SLC38A6: variants seen among roughly 807,000 people sequenced by gnomAD.
SLC38A6 encodes N system amino acid transporter NAT-1.
In SLC38A6, 73 loss-of-function variants were observed where a neutral mutation model predicts 65.0. That is an observed-to-expected ratio of 1.12 (90% CI 0.93 to 1.37). The LOEUF is 1.37. Ranked by LOEUF, SLC38A6 falls within the 40% of genes most tolerant of loss-of-function variation. The pLI, the probability that SLC38A6 is intolerant of heterozygous loss-of-function variation, is 0.00. For synonymous variants in SLC38A6, 183 were observed against 178.8 expected, an observed-to-expected ratio of 1.02 and a Z score of -0.19; for missense variants, 561 against 531.1, an observed-to-expected ratio of 1.06 and a Z score of -0.55.
chr14:61,065,176 G>T (rs533082019), intron 15 of SLC38A6, among the ~76,000 whole-genome samples: 7 of 152,040 alleles, frequency 4.6e-5, no homozygotes, highest in Non-Finnish European at 8.8e-5. Flanking sequence ...TACAATCTAG[G>T]TATAGAATCG....
chr14:61,051,531 T>C (rs2139865605), intron 13 of SLC38A6, among the ~76,000 whole-genome samples: 1 of 152,302 alleles, frequency 6.6e-6, no homozygotes, highest in South Asian at 2.1e-4. Context: ...TTAAAAATTA[T>C]GCAACCTAAA....
intron 15 of SLC38A6, among the ~76,000 whole-genome samples, chr14:61,066,976 A>C (rs112003440): frequency 2.6e-5 from 4 of 152,178 alleles, no homozygotes; most frequent in Non-Finnish European, 4.4e-5. Context: ...GAAACTATGT[A>C]AGACATACAT....
At chr14:61,016,670 A>T (rs2040033311) in intron 4 of SLC38A6, among the ~76,000 whole-genome samples, 1 of 152,180 alleles carries the variant, frequency 6.6e-6, no homozygotes, top group African/African-American at 2.4e-5. Context: ...TAGTATATAT[A>T]TTTTTTAATT....
At position 61,052,496 on chromosome 14, in the gene SLC38A6, A is replaced by G; in HGVS notation, c.*67A>G. The G allele has an allele frequency of 6.7e-7, 1 of 1,500,152 alleles. No homozygotes were observed. Among genetic ancestry groups the G allele is most frequent in the South Asian group, 1.4e-5 (1 of 71,830 alleles). The allele number at this position is 1,500,152 out of a possible 1,614,324, so 92.9% of individuals were successfully genotyped here. A position where few individuals can be genotyped will look rare whatever the true frequency, so the allele number is the denominator to read the frequency against. ...AGTTGCAAGAATGAATTATTCCGGA[A>G]GACACCCTGGATGAAAAATAACATT... On this transcript the variant is annotated 3_prime_UTR_variant, in exon 16 of 16. Transcript: ENST00000267488.
rs1354439636 is a variant in SLC38A6, at chr14:61,023,623, A to G, written c.403+4043A>G. ...TATACACACACACACACACACATAT[A>G]TGTAAAATATCTATTATTTTCAGGT... On this transcript the variant is annotated intron_variant, in intron 5 of 15. Coordinates refer to ENST00000267488, the MANE Select transcript of SLC38A6 (RefSeq NM_153811.3). Among the ~76,000 whole-genome samples the G allele has an allele frequency of 2.0e-5, 3 of 150,324 alleles. No homozygotes were observed. The Admixed American group carries it at 2.0e-4, about 10-fold the overall frequency.
intron 3 of SLC38A6, among the ~76,000 whole-genome samples, chr14:61,014,354 T>G (rs147757025): frequency 6.6e-6 from 1 of 152,184 alleles, no homozygotes; most frequent in Non-Finnish European, 1.5e-5. Flanking sequence ...TTGGAGTAGT[T>G]TGATCTTCTG....
intron 15 of SLC38A6, among the ~76,000 whole-genome samples, chr14:61,068,647 C>T (rs571473596): frequency 6.6e-6 from 1 of 152,320 alleles, no homozygotes; most frequent in East Asian, 1.9e-4. Context: ...TGGTCATGAC[C>T]GTCTTATGGC....
intron 15 of SLC38A6, among the ~76,000 whole-genome samples, chr14:61,062,895 T>A (rs903322194): frequency 1.6e-4 from 25 of 152,260 alleles, no homozygotes; most frequent in African/African-American, 6.0e-4. Context: ...GCCAGGCTGG[T>A]CGCAAACTCC....
chr14:61,041,912 A>G (rs563764677), intron 8 of SLC38A6, among the ~76,000 whole-genome samples: 1 of 152,020 alleles, frequency 6.6e-6, no homozygotes, highest in East Asian at 1.9e-4. Context: ...AAAAAACAAG[A>G]AAAGAAACTG....
At chr14:61,009,471 T>G (rs1249714967) in intron 3 of SLC38A6, among the ~76,000 whole-genome samples, 1 of 152,212 alleles carries the variant, frequency 6.6e-6, no homozygotes, top group Non-Finnish European at 1.5e-5. Flanking sequence ...TGTGCCATGT[T>G]GGCGTGCCGC....
At chr14:60,990,235 T>A (rs918596931) in intron 3 of SLC38A6, among the ~76,000 whole-genome samples, 1 of 152,224 alleles carries the variant, frequency 6.6e-6, no homozygotes, top group Non-Finnish European at 1.5e-5. Context: ...TTTGCCATGT[T>A]GGCCAGGCTG....
chr14:60,987,742 C>G (rs373840199), intron 3 of SLC38A6, among the ~76,000 whole-genome samples: 8 of 152,258 alleles, frequency 5.3e-5, no homozygotes, highest in African/African-American at 1.7e-4. Flanking sequence ...GATACTAAAC[C>G]CACAGCTCCC....
At chr14:61,027,378 A>G (rs533185017) in intron 5 of SLC38A6, among the ~76,000 whole-genome samples, 3 of 152,140 alleles carry the variant, frequency 2.0e-5, no homozygotes, top group Non-Finnish European at 4.4e-5. Context: ...AATTTAGAGT[A>G]GAACATGGTG....
At chr14:61,004,663 A>G (rs928727755) in intron 3 of SLC38A6, 3 of 152,264 alleles carry the variant, frequency 2.0e-5, no homozygotes, top group African/African-American at 7.2e-5. Flanking sequence ...TGAATAGACC[A>G]ATAACAGGCT....
intron 8 of SLC38A6, among the ~76,000 whole-genome samples, chr14:61,040,938 C>G (rs1031573655): frequency 6.6e-6 from 1 of 152,050 alleles, no homozygotes; most frequent in Admixed American, 6.6e-5. Context: ...ACATGGAGAA[C>G]AGTGTGTGCA....
chr14:61,026,659 G>A (rs999218968), intron 5 of SLC38A6, among the ~76,000 whole-genome samples: 12 of 151,624 alleles, frequency 7.9e-5, no homozygotes, highest in African/African-American at 2.9e-4. Flanking sequence ...TGTTTTGTTG[G>A]TTTACTTTTT....
chr14:61,050,614 C>T lies in SLC38A6; in HGVS notation c.1028C>T (p.Thr343Ile), dbSNP rs571652822. 1.3e-6 allele frequency: 2 copies of T among 1,588,126 alleles called. No individual in the cohort carries two copies. Among genetic ancestry groups the T allele is most frequent in the African/African-American group, 2.7e-5 (2 of 74,664 alleles). ...KLCILFAVLL[T>I]VPLIHFPARK... ...TGCATACTATTTGCTGTGCTTTTGA[C>T]AGTCCCTCTAATCCACTTCCCTGTA... The change falls in exon 13 of 16, where the codon ACA becomes ATA. Residue 343 changes from threonine to isoleucine, a missense_variant. Thr to Ile is a moderately conservative substitution (Grantham distance 89). Transcript: ENST00000267488.
At chr14:61,042,805 C>G (rs778390039) in intron 8 of SLC38A6, among the ~76,000 whole-genome samples, 3 of 152,156 alleles carry the variant, frequency 2.0e-5, no homozygotes, top group African/African-American at 7.2e-5. Context: ...CTACAAATAA[C>G]CATATTCCTG....
At chr14:60,981,422 C>G (rs1401744277) in intron 1 of SLC38A6, 40 bp downstream of exon 1, 1 of 1,554,454 alleles carries the variant, frequency 6.4e-7, no homozygotes, top group East Asian at 2.4e-5. Flanking sequence ...TGACGCCCTC[C>G]GGCTTCCCTC....
Sources: allele counts gnomAD v4.1 joint callset (sites outside exome capture counted in the v4.1 genomes callset), GRCh38; gene constraint gnomAD v4.1.1; transcripts MANE v1.5; gene names NCBI Gene and HGNC (gene_info 2026-07-23, HGNC 2026-07-21).